TBC1D32: variants seen among roughly 807,000 people sequenced by gnomAD.
TBC1D32 encodes protein broad-minded.
Under a neutral mutation model 170.3 loss-of-function variants are expected in TBC1D32, and 151 were observed. The ratio of observed to expected loss-of-function variants is 0.89; its 90% CI spans 0.78 to 1.01. The LOEUF is 1.01. Ranked by LOEUF, TBC1D32 falls within the 50% of genes least tolerant of loss-of-function variation. The pLI is 0.00. For missense variants in TBC1D32, 1,464 were observed against 1,457.1 expected (o/e 1.00, Z -0.08); for synonymous variants, 498 against 488.0 (o/e 1.02, Z -0.27).
intron 2 of TBC1D32, among the ~76,000 whole-genome samples, chr6:121,317,913 A>G (rs1809157651): frequency 6.6e-6 from 1 of 152,076 alleles, no homozygotes; most frequent in Admixed American, 6.6e-5. Flanking sequence ...TTTCATGGTT[A>G]CATGGATCAA....
intron 22 of TBC1D32, among the ~76,000 whole-genome samples, chr6:121,197,144 C>A (rs560536440): frequency 5.3e-5 from 8 of 152,218 alleles, no homozygotes; most frequent in Non-Finnish European, 7.4e-5. Context: ...ACTATCAAGA[C>A]GAAATCAGTC....
chr6:121,232,691 A>G (rs1795894718), intron 20 of TBC1D32, among the ~76,000 whole-genome samples: 1 of 151,178 alleles, frequency 6.6e-6, no homozygotes, highest in South Asian at 2.1e-4. Flanking sequence ...TTTTGCAACT[A>G]TTGTAAACCA....
intron 28 of TBC1D32, 28 bp from the exon 29 acceptor site, chr6:121,112,687 C>T: frequency 1.3e-6 from 2 of 1,497,932 alleles, no homozygotes; most frequent in Non-Finnish European, 1.8e-6. Flanking sequence ...GAAAACTTTA[C>T]AATATTTTGT....
intron 2 of TBC1D32, among the ~76,000 whole-genome samples, chr6:121,319,076 ATATT>A (rs1426830048): frequency 6.7e-6 from 1 of 150,050 alleles, no homozygotes; most frequent in African/African-American, 2.4e-5. Context: ...TTTAAATGTA[ATATT>A]TAATATGTAT....
chr6:121,210,689 C>T (rs2133988), intron 21 of TBC1D32, among the ~76,000 whole-genome samples: 81,336 of 151,988 alleles, frequency 0.54, 24,912 homozygotes, highest in Non-Finnish European at 0.7. Context: ...TGGGGGTGGG[C>T]TTGACCTAAT....
At chr6:121,102,230 T>C (rs1262751178) in intron 30 of TBC1D32, among the ~76,000 whole-genome samples, 2 of 151,866 alleles carry the variant, frequency 1.3e-5, no homozygotes, top group South Asian at 2.1e-4. Context: ...CAGAATTGGA[T>C]AAAACTACTT....
rs572531015 is a variant in TBC1D32, at chr6:121,102,356, A to G, written c.3465+3667T>C. Among the ~76,000 whole-genome samples the G allele has an allele frequency of 3.3e-5, 5 of 152,264 alleles. No individual in the cohort carries two copies. The South Asian group carries it at 1.0e-3, about 32-fold the overall frequency. On this transcript the variant is annotated intron_variant, in intron 30 of 31. Coordinates refer to ENST00000398212, the MANE Select transcript of TBC1D32 (RefSeq NM_152730.6). ...TCAAACTATACTACAAGGCTACAGTAACCAAAACAGCATGGTACTGGTACC... is the reference window on the plus strand; with the variant it reads ...TCAAACTATACTACAAGGCTACAGTGACCAAAACAGCATGGTACTGGTACC...
chr6:121,219,810 T>A (rs1181320123), intron 21 of TBC1D32, among the ~76,000 whole-genome samples: 1 of 152,262 alleles, frequency 6.6e-6, no homozygotes, highest in Admixed American at 6.5e-5. Flanking sequence ...TCTAACAGCA[T>A]GTGTTCACTT....
At chr6:121,277,661 A>G (rs12526903) in intron 15 of TBC1D32, among the ~76,000 whole-genome samples, 17,584 of 151,666 alleles carry the variant, frequency 0.12, 1,469 homozygotes, top group Admixed American at 0.23. Context: ...AAGCACAAAT[A>G]TTATAAAAAA....
At chr6:121,270,711 A>G (rs999080817) in intron 15 of TBC1D32, among the ~76,000 whole-genome samples, 8 of 152,174 alleles carry the variant, frequency 5.3e-5, no homozygotes, top group African/African-American at 1.9e-4. Context: ...ATTACTTCTG[A>G]AACTATTCCA....
chr6:121,270,201 A>T (rs1296529925), intron 15 of TBC1D32, among the ~76,000 whole-genome samples: 3 of 152,184 alleles, frequency 2.0e-5, no homozygotes, highest in Admixed American at 6.5e-5. Context: ...CAATTAAAAG[A>T]ACTAGAGAAG....
chr6:121,307,888 G>C (rs1375572473), intron 5 of TBC1D32, 88 bp downstream of exon 5: 1 of 1,419,616 alleles, frequency 7.0e-7, no homozygotes, highest in African/African-American at 1.5e-5. Flanking sequence ...GAAAAGAAAA[G>C]AAAACTATCG....
intron 17 of TBC1D32, among the ~76,000 whole-genome samples, chr6:121,246,436 C>T (rs919482111): frequency 6.6e-6 from 1 of 151,404 alleles, no homozygotes; most frequent in Admixed American, 6.6e-5. Flanking sequence ...AACAGTCTAC[C>T]CAAATGAAAA....
chr6:121,271,444 T>C (rs1801414909), intron 15 of TBC1D32, among the ~76,000 whole-genome samples: 1 of 152,068 alleles, frequency 6.6e-6, no homozygotes, highest in South Asian at 2.1e-4. Flanking sequence ...CGTGTAAAAA[T>C]CACAGGCATT....
intron 12 of TBC1D32, among the ~76,000 whole-genome samples, chr6:121,284,277 C>G (rs1046348105): frequency 1.3e-5 from 2 of 152,136 alleles, no homozygotes; most frequent in East Asian, 3.9e-4. Context: ...CTTATCTACA[C>G]AAAACTGTAG....
intron 20 of TBC1D32, among the ~76,000 whole-genome samples, chr6:121,231,797 C>T (rs1380765668): frequency 6.6e-6 from 1 of 151,996 alleles, no homozygotes; most frequent in Non-Finnish European, 1.5e-5. Context: ...TGTTTGAGTT[C>T]TTTGTAGATT....
intron 15 of TBC1D32, among the ~76,000 whole-genome samples, chr6:121,272,931 A>C (rs1801679606): frequency 1.3e-5 from 2 of 152,204 alleles, no homozygotes; most frequent in African/African-American, 4.8e-5. Flanking sequence ...ACGCAGCCAT[A>C]AAAACGGATG....
At chr6:121,259,257 A>G (rs1799452035) in intron 15 of TBC1D32, among the ~76,000 whole-genome samples, 1 of 151,986 alleles carries the variant, frequency 6.6e-6, no homozygotes, top group African/African-American at 2.4e-5. Flanking sequence ...GAGATCGCAC[A>G]ACTGCACTCC....
In TBC1D32 at chr6:121,312,280, C is replaced by A. The variant is rs192107717; in HGVS notation, c.496-1433G>T. Among the ~76,000 whole-genome samples, 316 of 152,214 alleles carry A rather than the reference C, an allele frequency of 2.1e-3. 1 individual carries two copies. The highest frequency in any genetic ancestry group is 7.3e-3 in the African/African-American group (304 of 41,526). ...AACCTAGATGATGGGTTGATAGGTACAACAAATCACAATGGCACATATATA... is the reference window on the plus strand; with the variant it reads ...AACCTAGATGATGGGTTGATAGGTAAAACAAATCACAATGGCACATATATA... On this transcript the variant is annotated intron_variant, in intron 3 of 31. Transcript: ENST00000398212.
Sources: gnomAD v4.1 joint callset for allele counts (sites outside exome capture counted in the v4.1 genomes callset) on GRCh38, gnomAD v4.1.1 for gene constraint, MANE v1.5 for transcripts, NCBI Gene and HGNC (gene_info 2026-07-23, HGNC 2026-07-21) for gene names.